The following BMP6 variants were observed in gnomAD, a reference collection of about 807,000 sequenced individuals.
BMP6 encodes bone morphogenetic protein 6, also known as VG-1-R.
BMP6 carries 17 observed loss-of-function variants against 54.1 expected under a neutral mutation model. That is an observed-to-expected ratio of 0.31 (90% confidence interval 0.22 to 0.47). BMP6 has a LOEUF of 0.47. Among genes scored for constraint, BMP6 ranks in the 20% least tolerant of loss-of-function variants. BMP6 has a pLI of 1.00. For synonymous variants in BMP6, 328 were observed against 291.2 expected (o/e 1.13, Z -1.28); for missense variants, 720 against 690.4 (o/e 1.04, Z -0.48).
intron 2 of BMP6, among the ~76,000 whole-genome samples, chr6:7,858,296 GCTGGTCTCAAATTT>G (rs1321156239): frequency 2.6e-5 from 4 of 151,962 alleles, no homozygotes; most frequent in African/African-American, 9.7e-5. Context: ...TGTTTCCCAG[GCTGGTCTCAAATTT>G]CTGGCCTCCA....
chr6:7,826,163 CTCTG>C (rs1166969082), intron 1 of BMP6, among the ~76,000 whole-genome samples: 5 of 152,304 alleles, frequency 3.3e-5, no homozygotes, highest in African/African-American at 1.2e-4. Flanking sequence ...GTCCTTCTCT[CTCTG>C]TCTGCGAGTC....
intron 1 of BMP6, among the ~76,000 whole-genome samples, chr6:7,781,033 A>G (rs778386659): frequency 2.8e-4 from 42 of 152,018 alleles, no homozygotes; most frequent in Non-Finnish European, 5.0e-4. Flanking sequence ...TTCAATCTGT[A>G]CCTCTTAACG....
chr6:7,775,289 G>A (rs1757846516), intron 1 of BMP6, among the ~76,000 whole-genome samples: 1 of 152,128 alleles, frequency 6.6e-6, no homozygotes, highest in Non-Finnish European at 1.5e-5. Flanking sequence ...GAGATCTCTA[G>A]GATATATAAA....
At position 7,743,579 on chromosome 6, in the gene BMP6, C is replaced by G. The variant is rs1028605185; in HGVS notation, c.664+15960C>G. Among the ~76,000 whole-genome samples, 3 of 152,288 alleles carry G rather than the reference C, an allele frequency of 2.0e-5. No homozygotes were observed. In the East Asian group the frequency reaches 5.8e-4, roughly 29 times the overall value. ...TTGTTTATTCTCATGCATGCATGCT[C>G]TCCCTCCCTCTCTCATTGAACGTGA... is the stretch of plus-strand genomic sequence containing the variant. On this transcript the variant is annotated intron_variant, in intron 1 of 6. Transcript: ENST00000283147.
chr6:7,816,269 G>T (rs1758524713), intron 1 of BMP6, among the ~76,000 whole-genome samples: 1 of 152,210 alleles, frequency 6.6e-6, no homozygotes, highest in African/African-American at 2.4e-5. Flanking sequence ...AGTAGTGGAA[G>T]AGAATGGAGT....
intron 1 of BMP6, among the ~76,000 whole-genome samples, chr6:7,786,667 C>T (rs1758024852): frequency 6.6e-6 from 1 of 152,092 alleles, no homozygotes; most frequent in Admixed American, 6.5e-5. Flanking sequence ...TAGATTCAAT[C>T]AGCCTAGAAC....
intron 1 of BMP6, among the ~76,000 whole-genome samples, chr6:7,775,793 C>T (rs1486351319): frequency 6.6e-6 from 1 of 152,212 alleles, no homozygotes; most frequent in African/African-American, 2.4e-5. Context: ...TGATGTTCTT[C>T]ATCAACTCCA....
rs1269184517 is a variant in BMP6 at position 7,726,303 on chromosome 6, G to T, written c.-653G>T. 6.6e-6 allele frequency among the ~76,000 whole-genome samples: 1 copy of T among 152,234 alleles called. No homozygotes were observed. Among genetic ancestry groups the T allele is most frequent in the Non-Finnish European group, 1.5e-5 (1 of 68,042 alleles). ...CCGCTTGAGGAGGCGTGCGGCGCGCGGAGATTTTGAGTGGGAGCGACGGTG... is the reference window on the plus strand; with the variant it reads ...CCGCTTGAGGAGGCGTGCGGCGCGCTGAGATTTTGAGTGGGAGCGACGGTG... On this transcript the variant is annotated 5_prime_UTR_variant, in exon 1 of 7. Transcript: ENST00000283147.
intron 1 of BMP6, among the ~76,000 whole-genome samples, chr6:7,799,439 G>C (rs1031862012): frequency 6.6e-6 from 1 of 152,130 alleles, no homozygotes; most frequent in East Asian, 1.9e-4. Context: ...TCAAAGTTAT[G>C]ATTTCTTTTT....
chr6:7,772,461 C>T (rs1162140380), intron 1 of BMP6, among the ~76,000 whole-genome samples: 3 of 152,128 alleles, frequency 2.0e-5, no homozygotes, highest in Non-Finnish European at 2.9e-5. Context: ...TCTAGTCAAA[C>T]AGCCAGAACA....
chr6:7,875,289 AT>A (rs1759595574), intron 4 of BMP6, among the ~76,000 whole-genome samples: 1 of 152,174 alleles, frequency 6.6e-6, no homozygotes, highest in African/African-American at 2.4e-5. Flanking sequence ...GATGATACCT[AT>A]CCGTGTTGGT....
intron 1 of BMP6, among the ~76,000 whole-genome samples, chr6:7,808,731 T>G (rs1758390156): frequency 6.6e-6 from 1 of 151,802 alleles, no homozygotes; most frequent in African/African-American, 2.4e-5. Flanking sequence ...CTGGGTAACA[T>G]GACAAGATCA....
chr6:7,732,437 T>C (rs945204707), intron 1 of BMP6, among the ~76,000 whole-genome samples: 1 of 152,240 alleles, frequency 6.6e-6, no homozygotes, highest in African/African-American at 2.4e-5. Context: ...AGAATGGGTA[T>C]AAATCCTTTT....
intron 1 of BMP6, among the ~76,000 whole-genome samples, chr6:7,768,044 A>T (rs1198114350): frequency 6.6e-6 from 1 of 151,590 alleles, no homozygotes; most frequent in Non-Finnish European, 1.5e-5. Context: ...ATGGCTGGAG[A>T]TAGGTATTTT....
intron 1 of BMP6, among the ~76,000 whole-genome samples, chr6:7,832,667 T>C (rs1181910650): frequency 6.6e-6 from 1 of 151,094 alleles, no homozygotes; most frequent in Non-Finnish European, 1.5e-5. Flanking sequence ...GTTTGTTATT[T>C]TGCACCAAAG....
At chr6:7,792,916 A>G (rs1372088240) in intron 1 of BMP6, among the ~76,000 whole-genome samples, 1 of 152,228 alleles carries the variant, frequency 6.6e-6, no homozygotes, top group Non-Finnish European at 1.5e-5. Context: ...ACTGTTGTCT[A>G]CCATGTATCA....
intron 1 of BMP6, among the ~76,000 whole-genome samples, chr6:7,837,159 T>C (rs1758888455): frequency 6.6e-6 from 1 of 152,232 alleles, no homozygotes; most frequent in Non-Finnish European, 1.5e-5. Flanking sequence ...AAAGTAAATA[T>C]GTTAAATCGA....
rs555442306 is a variant in BMP6 at position 7,744,351 on chromosome 6, C to T, written c.664+16732C>T. ...ATTAGCCTGGTGTGGTGGCGGGTGCCTGTAGTCCCAGCTACTCGGGAGGTT... is the reference window on the plus strand; with the variant it reads ...ATTAGCCTGGTGTGGTGGCGGGTGCTTGTAGTCCCAGCTACTCGGGAGGTT... On this transcript the variant is annotated intron_variant, in intron 1 of 6. Transcript: ENST00000283147. Among the ~76,000 whole-genome samples, 193 of 152,204 alleles carry T rather than the reference C, an allele frequency of 1.3e-3. 2 individuals carry two copies. In the South Asian group the frequency reaches 0.037, roughly 29 times the overall value.
Position 7,862,304 on chromosome 6 carries a change from T to C in BMP6, c.1010T>C (p.Val337Ala). 1 of 1,613,998 alleles carries C rather than the reference T, an allele frequency of 6.2e-7. No individual in the cohort carries two copies. Among genetic ancestry groups the C allele is most frequent in the Non-Finnish European group, 8.5e-7 (1 of 1,180,014 alleles). The change falls in exon 4 of 7, where the codon GTC (valine) becomes GCC (alanine). Residue 337 changes from valine (V) to alanine (A), a missense_variant. This residue lies in a region of BMP6 where 650 missense variants were observed against 556.3 expected (regional missense o/e 1.17). Transcript: ENST00000283147. ...LQLSVVTRDG[V>A]HVHPRAAGLV... ...CATGCTTTGATTTGCATTAAAGGAG[T>C]CCACGTCCACCCCCGAGCCGCAGGC...
Sources: allele counts gnomAD v4.1 joint callset (sites outside exome capture counted in the v4.1 genomes callset), GRCh38; gene constraint gnomAD v4.1.1; regional missense constraint gnomAD v4.1.1; transcripts MANE v1.5; gene names NCBI Gene and HGNC (gene_info 2026-07-23, HGNC 2026-07-21).